Variants in SNTG2 observed in about 807,000 individuals in gnomAD.
SNTG2 encodes the protein syntrophin gamma 2.
SNTG2 carries 74 observed loss-of-function variants against 70.9 expected under a neutral mutation model. The ratio of observed to expected loss-of-function variants is 1.04; its 90% CI spans 0.86 to 1.27. The LOEUF (loss-of-function observed/expected upper bound fraction) is 1.27, where lower values mean the gene tolerates loss of function less well. Among genes scored for constraint, SNTG2 ranks in the 50% most tolerant of loss-of-function variants. SNTG2 has a pLI of 0.00. For missense variants in SNTG2, 717 were observed against 690.7 expected, an observed-to-expected ratio of 1.04 and a Z score of -0.43; for synonymous variants, 278 against 273.8, an observed-to-expected ratio of 1.02 and a Z score of -0.15.
At chr2:1,269,521 A>G (rs1451294707) in intron 14 of SNTG2, among the ~76,000 whole-genome samples, 1 of 151,164 alleles carries the variant, frequency 6.6e-6, no homozygotes, top group African/African-American at 2.4e-5. Flanking sequence ...ACCCTGTCTC[A>G]AAAAAAAAGG....
intron 9 of SNTG2, among the ~76,000 whole-genome samples, chr2:1,216,597 T>C (rs976276224): frequency 1.3e-5 from 2 of 152,152 alleles, no homozygotes; most frequent in African/African-American, 4.8e-5. Flanking sequence ...CATTTGTTGA[T>C]TTTCTCAGGT....
At chr2:1,001,324 A>G (rs925894099) in intron 1 of SNTG2, among the ~76,000 whole-genome samples, 2 of 152,098 alleles carry the variant, frequency 1.3e-5, no homozygotes, top group Non-Finnish European at 2.9e-5. Flanking sequence ...GAGGATGTCA[A>G]ATTATCTCTG....
Position 1,137,809 on chromosome 2 carries a change from G to A in SNTG2, c.411G>A (p.Val137=), listed in dbSNP as rs1263105587. The change falls in exon 6 of 17, where the codon GTG becomes GTA. Residue 137 remains valine, a splice_region_variant and synonymous_variant. Transcript: ENST00000308624. ...IHVENATHEE[V]VHLLRNAGDE... ...TAGAAAATGCAACTCATGAAGAAGT[G>A]GTAAGTGAATTACATTTTATAGTTA... 1.9e-6 allele frequency: 3 copies of A among 1,609,668 alleles called. No individual in the cohort carries two copies. The highest frequency in any genetic ancestry group is 2.5e-6 in the Non-Finnish European group (3 of 1,176,898).
intron 1 of SNTG2, among the ~76,000 whole-genome samples, chr2:1,081,682 G>A (rs1285223493): frequency 5.9e-5 from 9 of 152,204 alleles, no homozygotes; most frequent in East Asian, 3.9e-4. Context: ...ATCCACAGAC[G>A]TCCCGTGAGC....
intron 4 of SNTG2, 105 bp downstream of exon 4, chr2:1,098,515 T>A: frequency 2.6e-6 from 3 of 1,170,770 alleles, no homozygotes; most frequent in Non-Finnish European, 3.8e-6. Flanking sequence ...CTCGATTACC[T>A]AAACTTCCGT....
intron 1 of SNTG2, among the ~76,000 whole-genome samples, chr2:1,025,751 A>C (rs1367463509): frequency 6.6e-6 from 1 of 152,096 alleles, no homozygotes; most frequent in Admixed American, 6.5e-5. Flanking sequence ...GTCATCCGGG[A>C]TGACCCCCAT....
chr2:1,282,688 G>C (rs1449175961), intron 14 of SNTG2, among the ~76,000 whole-genome samples: 2 of 144,418 alleles, frequency 1.4e-5, no homozygotes, highest in African/African-American at 2.6e-5. Flanking sequence ...TGAGCTGGGC[G>C]CTCTCCAAGG....
At chr2:957,965 A>G (rs1660227563) in intron 1 of SNTG2, among the ~76,000 whole-genome samples, 1 of 152,158 alleles carries the variant, frequency 6.6e-6, no homozygotes, top group Non-Finnish European at 1.5e-5. Context: ...GCTTTTAGGG[A>G]ATATCTTCTT....
At chr2:1,213,504 A>G (rs1459613836) in intron 9 of SNTG2, among the ~76,000 whole-genome samples, 1 of 152,248 alleles carries the variant, frequency 6.6e-6, no homozygotes, top group Non-Finnish European at 1.5e-5. Context: ...AAAGATTAAT[A>G]AAAACAAGTA....
chr2:1,038,653 A>G (rs1661265913), intron 1 of SNTG2, among the ~76,000 whole-genome samples: 1 of 152,256 alleles, frequency 6.6e-6, no homozygotes, highest in South Asian at 2.1e-4. Flanking sequence ...GAACTTGCTT[A>G]TAAAATAGTA....
intron 11 of SNTG2, among the ~76,000 whole-genome samples, chr2:1,244,692 T>C: frequency 1.2e-5 from 1 of 82,504 alleles, no homozygotes; most frequent in Admixed American, 1.4e-4. Context: ...CGAGACTCCA[T>C]CTCAAAAAAA....
intron 9 of SNTG2, among the ~76,000 whole-genome samples, chr2:1,229,774 T>C (rs939837099): frequency 2.0e-5 from 3 of 152,172 alleles, no homozygotes; most frequent in African/African-American, 7.2e-5. Context: ...CAGTGAGAAA[T>C]TGAGTGCAGC....
rs987134227 is a variant in SNTG2 at position 1,208,286 on chromosome 2, T to G, written c.592-817T>G. ...CACGCCCATGAGTGTGGGGCACACC[T>G]GTGAGTGTGAGGCACATCTGTGTGA... On this transcript the variant is annotated intron_variant, in intron 8 of 16. Transcript: ENST00000308624. 1.2e-4 allele frequency among the ~76,000 whole-genome samples: 9 copies of G among 75,374 alleles called. No individual in the cohort carries two copies. In the South Asian group the frequency reaches 2.5e-3, roughly 21 times the overall value. The allele number at this position is 75,374 out of a possible 152,430, so 49.4% of individuals were successfully genotyped here.
chr2:1,239,891 G>A, intron 11 of SNTG2, 115 bp downstream of exon 11: 2 of 1,289,900 alleles, frequency 1.6e-6, no homozygotes, highest in Admixed American at 2.0e-5. Context: ...AATTTGATTT[G>A]AAAATGTTGA....
intron 11 of SNTG2, among the ~76,000 whole-genome samples, chr2:1,245,932 C>A (rs1039728930): frequency 3.9e-5 from 6 of 151,924 alleles, no homozygotes; most frequent in Non-Finnish European, 8.8e-5. Flanking sequence ...AAAAAGAGAG[C>A]CTTGGCAATG....
intron 12 of SNTG2, among the ~76,000 whole-genome samples, chr2:1,247,671 T>C (rs1004340006): frequency 9.2e-5 from 14 of 152,190 alleles, no homozygotes; most frequent in Non-Finnish European, 2.1e-4. Flanking sequence ...CATTAAGATA[T>C]TGTAGAGCTT....
Position 966,050 on chromosome 2 carries a change from C to T in SNTG2, c.72+14982C>T, listed in dbSNP as rs557328641. 4.6e-5 allele frequency among the ~76,000 whole-genome samples: 7 copies of T among 152,328 alleles called. 2 individuals carry two copies. The South Asian group carries it at 1.0e-3, about 23-fold the overall frequency. ...CCTACCATGGCCTTGCTGCTTCTCT[C>T]GCCTCCATGCATGCCCAGGGTCCCC... On this transcript the variant is annotated intron_variant, in intron 1 of 16. Coordinates refer to ENST00000308624, the MANE Select transcript of SNTG2 (RefSeq NM_018968.4).
chr2:1,082,078 G>T (rs1046004186), intron 1 of SNTG2, among the ~76,000 whole-genome samples: 2 of 152,166 alleles, frequency 1.3e-5, no homozygotes, highest in African/African-American at 2.4e-5. Flanking sequence ...AGCTGAGGAT[G>T]TTGGGAGGAG....
intron 1 of SNTG2, among the ~76,000 whole-genome samples, chr2:1,026,771 C>T (rs985712871): frequency 6.6e-6 from 1 of 152,138 alleles, no homozygotes; most frequent in Admixed American, 6.5e-5. Context: ...TGAGTGCCAT[C>T]CTCTCTCACT....
Sources: allele counts gnomAD v4.1 joint callset (sites outside exome capture counted in the v4.1 genomes callset), GRCh38; gene constraint gnomAD v4.1.1; transcripts MANE v1.5; gene names NCBI Gene and HGNC (gene_info 2026-07-23, HGNC 2026-07-21).